QRFPR: variants seen among roughly 807,000 people sequenced by gnomAD.
QRFPR encodes pyroglutamylated RF-amide peptide receptor.
A neutral mutation model predicts 31.3 loss-of-function variants in QRFPR; 37 were observed. That is an observed-to-expected ratio of 1.18 (90% CI 0.91 to 1.56). The LOEUF (loss-of-function observed/expected upper bound fraction) is 1.56, where lower values mean the gene tolerates loss of function less well. Ranked by LOEUF, QRFPR falls within the 40% of genes most tolerant of loss-of-function variation. The pLI, the probability that QRFPR is intolerant of heterozygous loss-of-function variation, is 0.00. For synonymous variants in QRFPR, 197 were observed against 192.0 expected, an observed-to-expected ratio of 1.03 and a Z score of -0.22; for missense variants, 542 against 532.5, an observed-to-expected ratio of 1.02 and a Z score of -0.18.
intron 1 of QRFPR, among the ~76,000 whole-genome samples, chr4:121,369,074 G>T (rs1397227335): frequency 6.6e-6 from 1 of 152,148 alleles, no homozygotes; most frequent in East Asian, 1.9e-4. Context: ...TGTCGCCCAG[G>T]CTGGAGTGTA....
intron 1 of QRFPR, among the ~76,000 whole-genome samples, chr4:121,345,160 T>A (rs975236665): frequency 3.9e-5 from 6 of 152,176 alleles, no homozygotes; most frequent in African/African-American, 1.4e-4. Flanking sequence ...AACTCCTACT[T>A]AGGAGGACAA....
chr4:121,368,369 T>A (rs1365105245), intron 1 of QRFPR, among the ~76,000 whole-genome samples: 1 of 150,304 alleles, frequency 6.7e-6, no homozygotes, highest in East Asian at 2.0e-4. Flanking sequence ...ACCAAGTCAG[T>A]AGACTGAATT....
intron 4 of QRFPR, among the ~76,000 whole-genome samples, chr4:121,331,413 G>A (rs1426563466): frequency 6.6e-6 from 1 of 150,522 alleles, no homozygotes; most frequent in Non-Finnish European, 1.5e-5. Flanking sequence ...CAAACTCCTG[G>A]GCTCAAGCAA....
chr4:121,356,889 T>C (rs1342681408), intron 1 of QRFPR, among the ~76,000 whole-genome samples: 1 of 152,102 alleles, frequency 6.6e-6, no homozygotes, highest in African/African-American at 2.4e-5. Context: ...CCAGGGTCTC[T>C]GAATCCTACT....
intron 5 of QRFPR, 77 bp from the exon 6 acceptor site, chr4:121,329,791 A>G: frequency 9.4e-7 from 1 of 1,065,506 alleles, no homozygotes; most frequent in Non-Finnish European, 1.3e-6. Flanking sequence ...TCACCTGTCA[A>G]AGACTTAAAC....
intron 1 of QRFPR, among the ~76,000 whole-genome samples, chr4:121,375,484 T>C (rs534953577): frequency 9.8e-5 from 15 of 152,332 alleles, no homozygotes; most frequent in African/African-American, 3.4e-4. Flanking sequence ...AAATGCTGAA[T>C]ACAGGAATGA....
chr4:121,372,443 T>C (rs149176259), intron 1 of QRFPR, among the ~76,000 whole-genome samples: 1 of 152,366 alleles, frequency 6.6e-6, no homozygotes, highest in Non-Finnish European at 1.5e-5. Flanking sequence ...ATAAAATTTA[T>C]GATTTTAGCC....
intron 1 of QRFPR, among the ~76,000 whole-genome samples, chr4:121,349,523 AAAT>A (rs1487188863): frequency 6.6e-6 from 1 of 152,156 alleles, no homozygotes; most frequent in Non-Finnish European, 1.5e-5. Context: ...CTTGCTCCTA[AAAT>A]AATTTCTTTT....
In QRFPR at chr4:121,342,648, C is replaced by G. The variant is rs376284358; in HGVS notation, c.341-2038G>C. Among the ~76,000 whole-genome samples the G allele has an allele frequency of 1.9e-4, 29 of 151,874 alleles. 1 individual carries two copies. In the East Asian group the frequency reaches 5.0e-3, roughly 26 times the overall value. On this transcript the variant is annotated intron_variant, in intron 1 of 5. Transcript: ENST00000394427. ...GTTTTTTATTTTTATTATTTTATTA[C>G]TGTTTTATTATTTATTTACCCCTAC...
In QRFPR at chr4:121,363,102, G is replaced by A. The variant is rs537319449; in HGVS notation, c.340+17206C>T. Among the ~76,000 whole-genome samples the A allele has an allele frequency of 3.5e-4, 53 of 150,094 alleles. 2 individuals are homozygous for A. Among genetic ancestry groups the A allele is most frequent in the Non-Finnish European group, 6.2e-4 (42 of 67,598 alleles). On this transcript the variant is annotated intron_variant, in intron 1 of 5. Transcript: ENST00000394427. ...TAATCCCAGCCCTTTGGGAGGCCAAGGTGGGCAGATCACAATGTTCAAGAC... is the reference window on the plus strand; with the variant it reads ...TAATCCCAGCCCTTTGGGAGGCCAAAGTGGGCAGATCACAATGTTCAAGAC...
chr4:121,359,722 T>C (rs34493232), intron 1 of QRFPR, among the ~76,000 whole-genome samples: 38,586 of 149,520 alleles, frequency 0.26, 5,545 homozygotes, highest in Non-Finnish European at 0.34. Flanking sequence ...TGTGTATATA[T>C]GTGTGTGTAT....
chr4:121,334,533 G>A, intron 3 of QRFPR: 1 of 205,938 alleles, frequency 4.9e-6, no homozygotes, highest in Non-Finnish European at 1.0e-5. Context: ...TGATGTCAGT[G>A]AAGCCACATT....
At chr4:121,379,437 G>T (rs1341690433) in intron 1 of QRFPR, among the ~76,000 whole-genome samples, 4 of 152,160 alleles carry the variant, frequency 2.6e-5, no homozygotes. Flanking sequence ...CGTGAAAAAG[G>T]GGAGGCCCAT....
At position 121,329,138 on chromosome 4, in the gene QRFPR, T is replaced by C. The variant is rs533326789; in HGVS notation, c.*176A>G. The stretch of plus-strand genomic sequence containing the variant: ...AAATCTGTTAAATGATTGTGATCAA[T>C]TGGTTGTAAACATCACTGCACTTGG... On this transcript the variant is annotated 3_prime_UTR_variant, in exon 6 of 6. Coordinates refer to ENST00000394427, the MANE Select transcript of QRFPR (RefSeq NM_198179.3). 5.7e-6 allele frequency: 3 copies of C among 522,176 alleles called. No homozygotes were observed. The highest frequency in any genetic ancestry group is 3.9e-5 in the African/African-American group (2 of 51,544). 32.3% of individuals were successfully genotyped at this position (522,176 alleles called of 1,614,324 possible). A position where few individuals can be genotyped will look rare whatever the true frequency, so the allele number is the denominator to read the frequency against.
intron 1 of QRFPR, among the ~76,000 whole-genome samples, chr4:121,379,945 A>G (rs1264180004): frequency 1.3e-5 from 2 of 151,930 alleles, no homozygotes; most frequent in East Asian, 3.9e-4. Context: ...CGGGAAAGGG[A>G]GCTGAAATAA....
Position 121,332,873 on chromosome 4 carries a change from C to A in QRFPR, c.745G>T (p.Asp249Tyr). ...YELWIKKRVG[D>Y]GSVLRTIHGK... is the part of the protein sequence containing the mutation. The stretch of plus-strand genomic sequence containing the variant: ...TGAATAGTTCGAAGCACTGAACCAT[C>A]CCCAACTCTTTTCTTTATCCAAAGT... Residue 249 changes from aspartate to tyrosine, a missense_variant, in exon 4 of 6, where the codon GAT (aspartate) becomes TAT (tyrosine). By Grantham distance (160) the Asp-to-Tyr change is radical. Coordinates refer to ENST00000394427, the MANE Select transcript of QRFPR (RefSeq NM_198179.3). 1 of 1,614,114 alleles carries A rather than the reference C, an allele frequency of 6.2e-7. No individual in the cohort carries two copies. The highest frequency in any genetic ancestry group is 8.5e-7 in the Non-Finnish European group (1 of 1,179,990).
In QRFPR at chr4:121,340,574, G is replaced by C; in HGVS notation, c.377C>G (p.Ser126Cys). 6.2e-7 allele frequency: 1 copy of C among 1,613,982 alleles called. No individual in the cohort carries two copies. The highest frequency in any genetic ancestry group is 8.5e-7 in the Non-Finnish European group (1 of 1,179,934). The part of the protein sequence containing the change: ...FICKMVPFVQ[S>C]TAVVTEILTM... The stretch of plus-strand genomic sequence containing the variant: ...GAGGATTTCTGTCACAACAGCGGTA[G>C]ACTGGACAAATGGCACCATCTTGCA... Residue 126 changes from serine (S) to cysteine (C), a missense_variant, in exon 2 of 6, where the codon TCT becomes TGT. Physicochemically the swap from Ser to Cys is moderately radical, Grantham distance 112. Transcript: ENST00000394427.
chr4:121,360,041 T>G (rs1444620757), intron 1 of QRFPR, among the ~76,000 whole-genome samples: 1 of 152,054 alleles, frequency 6.6e-6, no homozygotes, highest in Admixed American at 6.6e-5. Flanking sequence ...CTATTATGAG[T>G]TAGTAATCTC....
intron 3 of QRFPR, among the ~76,000 whole-genome samples, chr4:121,335,841 A>G (rs182099299): frequency 6.6e-6 from 1 of 152,156 alleles, no homozygotes; most frequent in Non-Finnish European, 1.5e-5. Flanking sequence ...TGACTGGAAG[A>G]GTTGCTCAAG....
Sources: gnomAD v4.1 joint callset for allele counts (sites outside exome capture counted in the v4.1 genomes callset) on GRCh38, gnomAD v4.1.1 for gene constraint, MANE v1.5 for transcripts, NCBI Gene and HGNC (gene_info 2026-07-23, HGNC 2026-07-21) for gene names.